The following GABRB1 variants were observed in gnomAD, a reference collection of about 807,000 sequenced individuals.
The protein encoded by GABRB1 is gamma-aminobutyric acid receptor subunit beta-1.
In GABRB1, 17 loss-of-function variants were observed where a neutral mutation model predicts 51.6. That is an observed-to-expected ratio of 0.33 (90% CI 0.23 to 0.49). The LOEUF (loss-of-function observed/expected upper bound fraction) is 0.49. Among genes scored for constraint, GABRB1 ranks in the 20% least tolerant of loss-of-function variants. The probability of loss-of-function intolerance (pLI) is 0.99; values close to 1 mark genes in which losing one functional copy is unlikely to be tolerated. For synonymous variants in GABRB1, 247 were observed against 218.9 expected, an observed-to-expected ratio of 1.13 and a Z score of -1.14; for missense variants, 410 against 600.6, an observed-to-expected ratio of 0.68 and a Z score of 3.32.
chr4:47,163,435 C>T (rs966571451), intron 4 of GABRB1, among the ~76,000 whole-genome samples: 12 of 151,880 alleles, frequency 7.9e-5, no homozygotes, highest in Middle Eastern at 3.2e-3. Context: ...CTATTATCTG[C>T]CACACACTCA....
At chr4:47,161,952 T>C (rs967629346) in intron 4 of GABRB1, among the ~76,000 whole-genome samples, 6 of 151,992 alleles carry the variant, frequency 3.9e-5, no homozygotes, top group Non-Finnish European at 8.8e-5. Flanking sequence ...CAAAACAATA[T>C]ACAAGTGAAA....
intron 1 of GABRB1, among the ~76,000 whole-genome samples, chr4:47,012,020 C>A (rs1017218033): frequency 6.6e-6 from 1 of 152,080 alleles, no homozygotes; most frequent in Non-Finnish European, 1.5e-5. Flanking sequence ...TAAAACATTA[C>A]AGATACAATT....
At position 47,083,153 on chromosome 4, in the gene GABRB1, A is replaced by G. The variant is rs552941301; in HGVS notation, c.240+50669A>G. On this transcript the variant is annotated intron_variant, in intron 3 of 8. Transcript: ENST00000295454. The stretch of plus-strand genomic sequence containing the variant: ...TTGCAAGCACACCAGAATAAACACA[A>G]CATTGGATAAATTTAGGAGACCTTT... Among the ~76,000 whole-genome samples the G allele has an allele frequency of 5.3e-5, 8 of 152,246 alleles. 1 individual carries two copies. Among genetic ancestry groups the G allele is most frequent in the African/African-American group, 1.4e-4 (6 of 41,570 alleles).
intron 5 of GABRB1, among the ~76,000 whole-genome samples, chr4:47,351,280 A>G (rs1578114614): frequency 6.6e-6 from 1 of 152,316 alleles, no homozygotes; most frequent in Non-Finnish European, 1.5e-5. Flanking sequence ...TAATCCTCAT[A>G]TAATCCATCC....
intron 3 of GABRB1, among the ~76,000 whole-genome samples, chr4:47,106,700 T>C (rs1254662723): frequency 6.6e-6 from 1 of 152,054 alleles, no homozygotes; most frequent in Non-Finnish European, 1.5e-5. Context: ...TCTCTATCTT[T>C]CTTGCATGAG....
intron 1 of GABRB1, among the ~76,000 whole-genome samples, chr4:47,017,611 G>T (rs111516165): frequency 6.6e-6 from 1 of 151,830 alleles, no homozygotes; most frequent in Non-Finnish European, 1.5e-5. Flanking sequence ...TTATGAAATC[G>T]AATGATTTAT....
At chr4:47,374,481 C>T (rs1300204264) in intron 5 of GABRB1, among the ~76,000 whole-genome samples, 4 of 152,166 alleles carry the variant, frequency 2.6e-5, no homozygotes, top group Non-Finnish European at 5.9e-5. Context: ...TTCTTGGGCC[C>T]ATGATGAACA....
chr4:47,184,890 G>T (rs1719108276), intron 4 of GABRB1, among the ~76,000 whole-genome samples: 1 of 151,738 alleles, frequency 6.6e-6, no homozygotes, highest in Non-Finnish European at 1.5e-5. Context: ...TATCTTTTAG[G>T]CAGAGTAGCT....
At chr4:47,300,400 C>A (rs907944528) in intron 4 of GABRB1, among the ~76,000 whole-genome samples, 1 of 152,062 alleles carries the variant, frequency 6.6e-6, no homozygotes, top group African/African-American at 2.4e-5. Context: ...TATCACAAAA[C>A]GTAATTACTA....
chr4:47,357,632 C>G (rs1460798273), intron 5 of GABRB1, among the ~76,000 whole-genome samples: 1 of 152,164 alleles, frequency 6.6e-6, no homozygotes, highest in African/African-American at 2.4e-5. Flanking sequence ...AGAGAAGCCC[C>G]ATAACAGCAG....
chr4:47,383,186 A>G (rs1365402528), intron 5 of GABRB1, among the ~76,000 whole-genome samples: 5 of 152,194 alleles, frequency 3.3e-5, no homozygotes, highest in Non-Finnish European at 7.4e-5. Flanking sequence ...AGGCTATCCA[A>G]CCTGATTCTA....
At chr4:47,138,574 G>A (rs1000107598) in intron 3 of GABRB1, among the ~76,000 whole-genome samples, 1 of 151,984 alleles carries the variant, frequency 6.6e-6, no homozygotes, top group Non-Finnish European at 1.5e-5. Context: ...AGTCTTCTGC[G>A]GATTGTTGCC....
At chr4:47,131,369 G>C (rs1367237545) in intron 3 of GABRB1, among the ~76,000 whole-genome samples, 2 of 152,086 alleles carry the variant, frequency 1.3e-5, no homozygotes, top group East Asian at 1.9e-4. Context: ...ATGTTGGCAG[G>C]CTGGTCTCGA....
chr4:47,093,232 A>G (rs1171555518), intron 3 of GABRB1, among the ~76,000 whole-genome samples: 1 of 152,178 alleles, frequency 6.6e-6, no homozygotes, highest in African/African-American at 2.4e-5. Flanking sequence ...GTGACTAACC[A>G]CCACTGAAAC....
At chr4:47,422,487 C>G (rs964341159) in intron 8 of GABRB1, among the ~76,000 whole-genome samples, 2 of 152,144 alleles carry the variant, frequency 1.3e-5, no homozygotes, top group Non-Finnish European at 2.9e-5. Flanking sequence ...CCGCAAATGG[C>G]CTTATTGATA....
intron 3 of GABRB1, among the ~76,000 whole-genome samples, chr4:47,043,527 T>A (rs1334161605): frequency 1.3e-5 from 2 of 152,114 alleles, no homozygotes. Flanking sequence ...TTTAACTTGA[T>A]GAATTATGTG....
At chr4:47,314,314 C>A (rs1205227454) in intron 4 of GABRB1, among the ~76,000 whole-genome samples, 2 of 151,982 alleles carry the variant, frequency 1.3e-5, no homozygotes, top group African/African-American at 4.8e-5. Flanking sequence ...AAATTACTCA[C>A]AACTCTAAGT....
chr4:47,363,707 T>C (rs1274990124), intron 5 of GABRB1, among the ~76,000 whole-genome samples: 1 of 152,214 alleles, frequency 6.6e-6, no homozygotes, highest in African/African-American at 2.4e-5. Flanking sequence ...GGTTAATAAG[T>C]TCCTCTTGGG....
intron 4 of GABRB1, among the ~76,000 whole-genome samples, chr4:47,169,071 G>A (rs1200176363): frequency 6.6e-6 from 1 of 152,080 alleles, no homozygotes; most frequent in Non-Finnish European, 1.5e-5. Context: ...TTTCAAATAA[G>A]GTCATATTCT....
Sources: allele counts gnomAD v4.1 joint callset (sites outside exome capture counted in the v4.1 genomes callset), GRCh38; gene constraint gnomAD v4.1.1; transcripts MANE v1.5; gene names NCBI Gene and HGNC (gene_info 2026-07-23, HGNC 2026-07-21).